The following KCNQ3 variants were observed in gnomAD, a reference collection of about 807,000 sequenced individuals.
The protein encoded by KCNQ3 is potassium voltage-gated channel subfamily KQT member 3.
In KCNQ3, 30 loss-of-function variants were observed where a neutral mutation model predicts 92.5. The observed-to-expected ratio is 0.32, with a 90% CI of 0.24 to 0.44. KCNQ3 has a LOEUF of 0.44. Among genes scored for constraint, KCNQ3 ranks in the 20% least tolerant of loss-of-function variants. The pLI, the probability that KCNQ3 is intolerant of heterozygous loss-of-function variation, is 1.00. For synonymous variants in KCNQ3, 450 were observed against 468.8 expected (o/e 0.96, Z 0.52); for missense variants, 913 against 1,140.3 (o/e 0.80, Z 2.87).
chr8:132,374,903 A>T (rs373453451), intron 1 of KCNQ3, among the ~76,000 whole-genome samples: 45 of 152,176 alleles, frequency 3.0e-4, no homozygotes, highest in African/African-American at 1.1e-3. Flanking sequence ...TATATGTACC[A>T]CATTTTCTTT....
intron 1 of KCNQ3, among the ~76,000 whole-genome samples, chr8:132,442,360 A>G (rs1821560426): frequency 6.6e-6 from 1 of 152,038 alleles, no homozygotes. Flanking sequence ...TCCTCTGGAG[A>G]GCTTAGCAAG....
At chr8:132,156,809 T>A (rs1254688067) in intron 9 of KCNQ3, among the ~76,000 whole-genome samples, 2 of 152,132 alleles carry the variant, frequency 1.3e-5, no homozygotes, top group Non-Finnish European at 2.9e-5. Flanking sequence ...CAAGTAAAGA[T>A]GAGGGCATAT....
intron 9 of KCNQ3, among the ~76,000 whole-genome samples, chr8:132,160,712 G>A (rs1256067988): frequency 2.6e-5 from 4 of 151,098 alleles, no homozygotes; most frequent in South Asian, 2.1e-4. Context: ...TTTGATTTAT[G>A]AGGATTTGTT....
At chr8:132,293,542 C>T (rs1039985415) in intron 1 of KCNQ3, among the ~76,000 whole-genome samples, 5 of 152,170 alleles carry the variant, frequency 3.3e-5, no homozygotes, top group South Asian at 2.1e-4. Context: ...TTTCCCTACA[C>T]GACTAGAAAT....
intron 11 of KCNQ3, 38 bp from the exon 12 acceptor site, chr8:132,138,054 G>T: frequency 6.2e-7 from 1 of 1,600,086 alleles, no homozygotes. Context: ...CATCCCATGT[G>T]GAGAGTGCGG....
intron 1 of KCNQ3, among the ~76,000 whole-genome samples, chr8:132,451,354 A>T: frequency 6.6e-6 from 1 of 152,296 alleles, no homozygotes; most frequent in East Asian, 1.9e-4. Context: ...TTTATTAGCA[A>T]TGTGAGAACA....
At position 132,297,717 on chromosome 8, in the gene KCNQ3, T is replaced by TTA. The variant is rs61044404; in HGVS notation, c.387-111537_387-111536insTA. 3.5e-4 allele frequency among the ~76,000 whole-genome samples: 54 copies of TTA among 152,268 alleles called. 1 individual carries two copies. Among genetic ancestry groups the TTA allele is most frequent in the African/African-American group, 1.3e-3 (52 of 41,566 alleles). The stretch of plus-strand genomic sequence containing the variant: ...ATTTCTGCCTCGTTCACATGACAAG[T>TTA]CCACTGTGGATCTGAGCAGGGCTCT... On this transcript the variant is annotated intron_variant, in intron 1 of 14. Coordinates refer to ENST00000388996, the MANE Select transcript of KCNQ3 (RefSeq NM_004519.4).
chr8:132,184,555 T>G (rs767639975), intron 2 of KCNQ3, among the ~76,000 whole-genome samples, 188 bp from the exon 3 acceptor site: 6 of 152,176 alleles, frequency 3.9e-5, no homozygotes, highest in Non-Finnish European at 8.8e-5. Flanking sequence ...CGCCATTCAG[T>G]TTGGAGGCCT....
intron 1 of KCNQ3, among the ~76,000 whole-genome samples, chr8:132,437,362 G>A (rs1455788394): frequency 6.6e-6 from 1 of 152,060 alleles, no homozygotes; most frequent in South Asian, 2.1e-4. Flanking sequence ...TTTAGTTCTG[G>A]CATCCACTCA....
intron 1 of KCNQ3, among the ~76,000 whole-genome samples, chr8:132,390,597 G>A (rs1820025623): frequency 6.6e-6 from 1 of 152,094 alleles, no homozygotes. Flanking sequence ...GCACCTCCAG[G>A]GCTGAGAAGC....
At chr8:132,344,606 C>T (rs1818626169) in intron 1 of KCNQ3, among the ~76,000 whole-genome samples, 1 of 152,198 alleles carries the variant, frequency 6.6e-6, no homozygotes, top group Non-Finnish European at 1.5e-5. Context: ...GAGTCACACA[C>T]TCATCACGGT....
At chr8:132,208,065 T>C (rs1470286950) in intron 1 of KCNQ3, among the ~76,000 whole-genome samples, 7 of 152,108 alleles carry the variant, frequency 4.6e-5, no homozygotes, top group Admixed American at 4.6e-4. Flanking sequence ...CTGGGCTCCA[T>C]GTTCATCTCT....
intron 1 of KCNQ3, among the ~76,000 whole-genome samples, chr8:132,474,446 CT>C (rs1822362532): frequency 6.6e-6 from 1 of 152,122 alleles, no homozygotes; most frequent in South Asian, 2.1e-4. Flanking sequence ...GTTAAAAAAA[CT>C]AGAGAAGTGA....
chr8:132,243,388 A>T lies in KCNQ3; in HGVS notation c.387-57207T>A, dbSNP rs145258229. On this transcript the variant is annotated intron_variant, in intron 1 of 14. Transcript: ENST00000388996. ...CCCAATGCTTCCTGGAGGAGGTGACAGGTGACTCTCGTTTGGAAAGCAGAG... is the reference window on the plus strand; with the variant it reads ...CCCAATGCTTCCTGGAGGAGGTGACTGGTGACTCTCGTTTGGAAAGCAGAG... Among the ~76,000 whole-genome samples the T allele has an allele frequency of 3.9e-5, 6 of 152,346 alleles. No homozygotes were observed. The East Asian group carries it at 1.2e-3, about 29-fold the overall frequency.
intron 1 of KCNQ3, among the ~76,000 whole-genome samples, chr8:132,417,834 A>G (rs1345322697): frequency 6.6e-6 from 1 of 152,208 alleles, no homozygotes; most frequent in Non-Finnish European, 1.5e-5. Context: ...TAGTTCTGGA[A>G]CCTCTGTGGA....
At chr8:132,476,945 A>G (rs1216092609) in intron 1 of KCNQ3, among the ~76,000 whole-genome samples, 1 of 152,112 alleles carries the variant, frequency 6.6e-6, no homozygotes, top group African/African-American at 2.4e-5. Flanking sequence ...AGGTGACTGA[A>G]TCATGTGGGC....
chr8:132,451,941 G>T (rs1410355621), intron 1 of KCNQ3, among the ~76,000 whole-genome samples: 1 of 152,132 alleles, frequency 6.6e-6, no homozygotes, highest in Non-Finnish European at 1.5e-5. Flanking sequence ...ATTTTCAAAT[G>T]AAGTTCTTTT....
Position 132,480,618 on chromosome 8 carries a change from C to A in KCNQ3, c.-86G>T. On this transcript the variant is annotated 5_prime_UTR_variant, in exon 1 of 15. Coordinates refer to ENST00000388996, the MANE Select transcript of KCNQ3 (RefSeq NM_004519.4). ...TCGGGGTGCGTGAACGAGGCGGCGG[C>A]GGCGGCTGCAAGCCCGGGAACTCCA... The A allele has an allele frequency of 8.4e-7, 1 of 1,191,182 alleles. No homozygotes were observed. The highest frequency in any genetic ancestry group is 1.1e-6 in the Non-Finnish European group (1 of 941,912). The allele number at this position is 1,191,182 out of a possible 1,614,324, so 73.8% of individuals were successfully genotyped here. A position where few individuals can be genotyped will look rare whatever the true frequency, so the allele number is the denominator to read the frequency against.
intron 1 of KCNQ3, among the ~76,000 whole-genome samples, chr8:132,478,055 GTACATTTGCATATTTGCATATATA>G (rs1170840893): frequency 6.6e-6 from 1 of 152,164 alleles, no homozygotes; most frequent in Non-Finnish European, 1.5e-5. Flanking sequence ...AATAAAATTA[GTACATTTGCATATTTGCATATATA>G]TGCATTTGCA....
Sources: allele counts gnomAD v4.1 joint callset (sites outside exome capture counted in the v4.1 genomes callset), GRCh38; gene constraint gnomAD v4.1.1; transcripts MANE v1.5; gene names NCBI Gene and HGNC (gene_info 2026-07-23, HGNC 2026-07-21).